The following KLHL13 variants were observed in gnomAD, a reference collection of about 807,000 sequenced individuals.
The protein encoded by KLHL13 is kelch like family member 13, also known as kelch-like protein 13.
In KLHL13, 10 loss-of-function variants were observed where a neutral mutation model predicts 37.1. The observed-to-expected ratio is 0.27, with a 90% confidence interval of 0.17 to 0.46. The LOEUF (loss-of-function observed/expected upper bound fraction) is 0.46. KLHL13 is among the 20% of genes least tolerant of loss of function. The pLI is 1.00. For missense variants in KLHL13, 360 were observed against 509.3 expected (o/e 0.71, Z 2.82); for synonymous variants, 163 against 181.2 (o/e 0.90, Z 0.81).
At position 118,024,144 on chromosome X, in the gene KLHL13, C is replaced by T. The variant is rs146422794; in HGVS notation, c.-55-78569G>A. Among the ~76,000 whole-genome samples the T allele has an allele frequency of 9.3e-3, 1,045 of 112,142 alleles. 17 individuals carry two copies. The highest frequency in any genetic ancestry group is 0.031 in the African/African-American group (971 of 30,908). ...TTTAGCTCAAGTTATCATTCAGTTA[C>T]CTTGCCATTTACAAAGGTATTAGCT... On this transcript the variant is annotated intron_variant, in intron 1 of 6. Coordinates refer to the KLHL13 transcript ENST00000371882.
At chrX:118,089,088 C>T (rs887407049) in intron 1 of KLHL13, among the ~76,000 whole-genome samples, 3 of 111,687 alleles carry the variant, frequency 2.7e-5, no homozygotes, top group African/African-American at 6.5e-5. Flanking sequence ...AATTACTCTA[C>T]TCCAGCTAAA....
chrX:117,998,225 C>A (rs1240529595), intron 1 of KLHL13, among the ~76,000 whole-genome samples: 2 of 111,786 alleles, frequency 1.8e-5, no homozygotes, highest in African/African-American at 6.5e-5. Flanking sequence ...AGACATTTCC[C>A]TAAAAGATAT....
intron 1 of KLHL13, among the ~76,000 whole-genome samples, chrX:117,950,400 G>A (rs1462318794): frequency 5.4e-5 from 6 of 111,772 alleles, no homozygotes; most frequent in Non-Finnish European, 7.5e-5. Context: ...CTGGGGGGCG[G>A]AGGGTGCAGT....
chrX:117,989,597 C>A (rs1185983514), intron 1 of KLHL13, among the ~76,000 whole-genome samples: 1 of 110,680 alleles, frequency 9.0e-6, no homozygotes, highest in Non-Finnish European at 1.9e-5. Context: ...TATACCTGTA[C>A]CAGAAATATC....
chrX:117,978,815 G>A (rs779444523), intron 1 of KLHL13, among the ~76,000 whole-genome samples: 6 of 87,735 alleles, frequency 6.8e-5, no homozygotes, highest in Non-Finnish European at 2.2e-5. Context: ...TTTTCTACCC[G>A]TGTATGCTTC....
At chrX:117,984,983 A>G (rs2053707211) in intron 1 of KLHL13, among the ~76,000 whole-genome samples, 1 of 110,576 alleles carries the variant, frequency 9.0e-6, no homozygotes, top group African/African-American at 3.3e-5. Flanking sequence ...TCTTACCTGC[A>G]TTACATTTAA....
chrX:117,993,800 G>A (rs1300333355), intron 1 of KLHL13, among the ~76,000 whole-genome samples: 3 of 105,872 alleles, frequency 2.8e-5, no homozygotes. Flanking sequence ...ACAATGGCAT[G>A]ATCTCGGCTC....
At chrX:117,992,249 A>AAAAAAAAAAAAAAG (rs2053802770) in intron 1 of KLHL13, among the ~76,000 whole-genome samples, 9 of 107,142 alleles carry the variant, frequency 8.4e-5, no homozygotes, top group Non-Finnish European at 1.7e-4. Context: ...AAAAAAAAAA[A>AAAAAAAAAAAAAAG]GGTGCAGAAA....
chrX:118,045,117 T>A (rs2054544483), intron 1 of KLHL13, among the ~76,000 whole-genome samples: 1 of 111,549 alleles, frequency 9.0e-6, no homozygotes, highest in African/African-American at 3.3e-5. Flanking sequence ...CTCATGCCTG[T>A]AATCCCAGCA....
At chrX:118,104,013 A>G (rs1338597321) in intron 1 of KLHL13, among the ~76,000 whole-genome samples, 1 of 102,737 alleles carries the variant, frequency 9.7e-6, no homozygotes, top group Non-Finnish European at 2.0e-5. Context: ...AAGTTCAAGA[A>G]CAGCCTGGGC....
chrX:117,917,681 T>G (rs1931455762), intron 4 of KLHL13, among the ~76,000 whole-genome samples: 1 of 112,061 alleles, frequency 8.9e-6, no homozygotes, highest in Admixed American at 9.4e-5. Context: ...TTATCCAGTT[T>G]GGTCATTTTC....
intron 1 of KLHL13, among the ~76,000 whole-genome samples, chrX:117,989,132 C>T (rs1366151893): frequency 8.9e-6 from 1 of 111,799 alleles, no homozygotes; most frequent in Non-Finnish European, 1.9e-5. Context: ...AGATACTCCA[C>T]AAAGTATTTT....
chrX:117,950,662 C>T (rs1432166620), intron 1 of KLHL13, among the ~76,000 whole-genome samples: 4 of 111,652 alleles, frequency 3.6e-5, no homozygotes, highest in African/African-American at 1.3e-4. Context: ...AACAACACAA[C>T]AAAACAGGTT....
chrX:118,005,362 T>C (rs1018077608), intron 1 of KLHL13, among the ~76,000 whole-genome samples: 7 of 111,868 alleles, frequency 6.3e-5, no homozygotes, highest in Non-Finnish European at 1.3e-4. Flanking sequence ...CTTAATACCC[T>C]CCAAAAGAAA....
intron 1 of KLHL13, among the ~76,000 whole-genome samples, chrX:118,093,088 C>G (rs1392507266): frequency 9.0e-6 from 1 of 111,214 alleles, no homozygotes; most frequent in African/African-American, 3.3e-5. Flanking sequence ...AATAATTGAC[C>G]ATAATAATGA....
At chrX:118,095,819 A>G (rs2148161973) in intron 1 of KLHL13, among the ~76,000 whole-genome samples, 1 of 112,319 alleles carries the variant, frequency 8.9e-6, no homozygotes, top group Non-Finnish European at 1.9e-5. Flanking sequence ...TGAAGGCAGA[A>G]ATAAAGATGT....
At chrX:118,087,354 T>C (rs1166341763) in intron 1 of KLHL13, among the ~76,000 whole-genome samples, 3 of 110,045 alleles carry the variant, frequency 2.7e-5, no homozygotes, top group Non-Finnish European at 5.7e-5. Flanking sequence ...CATCTAACTC[T>C]TTGAAACTTC....
chrX:117,906,744 T>A (rs770825042), intron 5 of KLHL13, among the ~76,000 whole-genome samples: 4 of 111,521 alleles, frequency 3.6e-5, no homozygotes, highest in Non-Finnish European at 7.5e-5. Flanking sequence ...ACGCAATCAT[T>A]TTCTACAAAA....
At chrX:118,004,822 T>C (rs955041786) in intron 1 of KLHL13, among the ~76,000 whole-genome samples, 2 of 111,526 alleles carry the variant, frequency 1.8e-5, no homozygotes, top group Admixed American at 1.9e-4. Context: ...CAATATCAGG[T>C]GCCACCTGAT....
Sources: allele counts gnomAD v4.1 joint callset (sites outside exome capture counted in the v4.1 genomes callset), GRCh38; gene constraint gnomAD v4.1.1; transcripts MANE v1.5; gene names NCBI Gene and HGNC (gene_info 2026-07-23, HGNC 2026-07-21).